COG6: variants seen among roughly 807,000 people sequenced by gnomAD.
COG6 encodes component of oligomeric golgi complex 6, also known as conserved oligomeric Golgi complex subunit 6.
COG6 carries 74 observed loss-of-function variants against 88.8 expected under a neutral mutation model. That is an observed-to-expected ratio of 0.83 (90% CI 0.69 to 1.01). COG6 has a LOEUF of 1.01. COG6 is among the 50% of genes least tolerant of loss of function. The probability of loss-of-function intolerance (pLI) is 0.00; values close to 1 mark genes in which losing one functional copy is unlikely to be tolerated. For synonymous variants in COG6, 286 were observed against 278.7 expected (o/e 1.03, Z -0.26); for missense variants, 800 against 797.9 (o/e 1.00, Z -0.03).
chr13:39,765,329 C>T (rs1355868380), intron 18 of COG6, among the ~76,000 whole-genome samples: 1 of 152,164 alleles, frequency 6.6e-6, no homozygotes, highest in East Asian at 1.9e-4. Context: ...TAAGCAAATC[C>T]TCACAGCATA....
At chr13:39,683,898 C>G (rs897702653) in intron 8 of COG6, among the ~76,000 whole-genome samples, 1 of 152,112 alleles carries the variant, frequency 6.6e-6, no homozygotes, top group Non-Finnish European at 1.5e-5. Flanking sequence ...GTTCTTGAGT[C>G]AAATTTCTTT....
chr13:39,776,389 T>C (rs1035132574), intron 18 of COG6, among the ~76,000 whole-genome samples: 3 of 152,222 alleles, frequency 2.0e-5, no homozygotes, highest in African/African-American at 7.2e-5. Context: ...TTATTTCCAA[T>C]ATAGACCTAA....
chr13:39,751,473 A>G lies in COG6; in HGVS notation c.*380A>G. ...TCTAAATTTAATAATTAGTATAAGG[A>G]TATGACCTAATAAATGTCTCCTTAC... On this transcript the variant is annotated 3_prime_UTR_variant, in exon 19 of 19. Coordinates refer to ENST00000455146, the MANE Select transcript of COG6 (RefSeq NM_020751.3). 2 of 1,250,276 alleles carry G rather than the reference A, an allele frequency of 1.6e-6. No individual in the cohort carries two copies. Among genetic ancestry groups the G allele is most frequent in the Non-Finnish European group, 2.1e-6 (2 of 954,664 alleles). The allele number at this position is 1,250,276 out of a possible 1,614,324, so 77.4% of individuals were successfully genotyped here.
chr13:39,659,541 GA>G, intron 2 of COG6, 34 bp downstream of exon 2: 1 of 1,586,758 alleles, frequency 6.3e-7, no homozygotes, highest in Non-Finnish European at 8.6e-7. Context: ...CATATATTGA[GA>G]ACTTACTATT....
intron 1 of COG6, chr13:39,656,783 A>C (rs1256707825): frequency 2.2e-6 from 1 of 455,446 alleles, no homozygotes; most frequent in South Asian, 1.6e-5. Flanking sequence ...TGTGTGCATC[A>C]TGATTTGAGT....
chr13:39,727,084 G>T (rs1412253111), intron 17 of COG6, among the ~76,000 whole-genome samples: 1 of 151,758 alleles, frequency 6.6e-6, no homozygotes, highest in East Asian at 1.9e-4. Flanking sequence ...CTTTTCAATG[G>T]TAGGTATTAG....
chr13:39,730,771 C>A (rs1167092479), intron 18 of COG6, among the ~76,000 whole-genome samples: 1 of 7,198 alleles, frequency 1.4e-4, no homozygotes, highest in Non-Finnish European at 3.0e-4. Context: ...AAGACTCCAT[C>A]TCAAAAAAAA....
chr13:39,677,114 A>G (rs1430188347), intron 4 of COG6, among the ~76,000 whole-genome samples: 1 of 152,204 alleles, frequency 6.6e-6, no homozygotes, highest in East Asian at 1.9e-4. Context: ...AAACAGGAAC[A>G]TATTTCTCTC....
intron 18 of COG6, among the ~76,000 whole-genome samples, chr13:39,771,514 A>G (rs956951378): frequency 6.6e-6 from 1 of 152,202 alleles, no homozygotes; most frequent in South Asian, 2.1e-4. Context: ...CCCTGGAGTC[A>G]GAGTCAAGGA....
chr13:39,658,550 C>T (rs1874681207), intron 1 of COG6, among the ~76,000 whole-genome samples: 1 of 152,098 alleles, frequency 6.6e-6, no homozygotes, highest in African/African-American at 2.4e-5. Context: ...CTTTCTTGTA[C>T]CCCTTTACCA....
chr13:39,768,249 G>A (rs1454734425), intron 18 of COG6, among the ~76,000 whole-genome samples: 3 of 152,230 alleles, frequency 2.0e-5, no homozygotes, highest in African/African-American at 7.2e-5. Context: ...GAGTGCCCTG[G>A]TGTTGGTATC....
chr13:39,750,711 A>G (rs1880575817), intron 18 of COG6, among the ~76,000 whole-genome samples: 1 of 152,186 alleles, frequency 6.6e-6, no homozygotes. Context: ...AACACAGTCC[A>G]TGCCCTCTGC....
At chr13:39,684,538 C>G (rs1876528324) in intron 8 of COG6, among the ~76,000 whole-genome samples, 1 of 152,022 alleles carries the variant, frequency 6.6e-6, no homozygotes, top group Non-Finnish European at 1.5e-5. Flanking sequence ...GCGTGAGCCA[C>G]CGCGCCTGGC....
chr13:39,655,646 T>C, upstream of COG6: 3 of 1,494,804 alleles, frequency 2.0e-6, no homozygotes, highest in Non-Finnish European at 2.7e-6. Context: ...GCGCGGCCGA[T>C]TTGCACATGC....
intron 1 of COG6, among the ~76,000 whole-genome samples, chr13:39,658,509 G>T (rs1259636729): frequency 6.6e-6 from 1 of 152,052 alleles, no homozygotes; most frequent in Non-Finnish European, 1.5e-5. Context: ...ACCATACTGG[G>T]ATTATTTTTG....
chr13:39,680,085 T>C (rs1876220195), intron 7 of COG6, 40 bp downstream of exon 7: 1 of 1,189,178 alleles, frequency 8.4e-7, no homozygotes, highest in Non-Finnish European at 1.2e-6. Flanking sequence ...TCATGAACAT[T>C]TGTAGTTGTT....
intron 13 of COG6, among the ~76,000 whole-genome samples, chr13:39,707,078 CTT>C (rs1359861095): frequency 6.6e-6 from 1 of 151,304 alleles, no homozygotes; most frequent in Admixed American, 6.6e-5. Flanking sequence ...ATAATAATGA[CTT>C]GATGTTTAGT....
At chr13:39,696,754 C>T (rs895052774) in intron 12 of COG6, among the ~76,000 whole-genome samples, 1 of 150,934 alleles carries the variant, frequency 6.6e-6, no homozygotes, top group Non-Finnish European at 1.5e-5. Flanking sequence ...GTGACCTGAG[C>T]AGATTTGTGT....
chr13:39,731,818 T>C (rs1444138217), intron 18 of COG6, among the ~76,000 whole-genome samples: 1 of 151,598 alleles, frequency 6.6e-6, no homozygotes, highest in Non-Finnish European at 1.5e-5. Flanking sequence ...ATAAAGCAAG[T>C]TTGGGGTAAA....
Sources: gnomAD v4.1 joint callset for allele counts (sites outside exome capture counted in the v4.1 genomes callset) on GRCh38, gnomAD v4.1.1 for gene constraint, MANE v1.5 for transcripts, NCBI Gene and HGNC (gene_info 2026-07-23, HGNC 2026-07-21) for gene names.